The following WNT9B variants were observed in gnomAD, a reference collection of about 807,000 sequenced individuals.
The protein encoded by WNT9B is protein Wnt-9b.
A neutral mutation model predicts 30.2 loss-of-function variants in WNT9B; 12 were observed. The ratio of observed to expected loss-of-function variants is 0.40; its 90% CI spans 0.26 to 0.64. WNT9B has a LOEUF of 0.64. Ranked by LOEUF, WNT9B falls within the 30% of genes least tolerant of loss-of-function variation. The probability of loss-of-function intolerance (pLI) is 0.42; values close to 1 mark genes in which losing one functional copy is unlikely to be tolerated. For missense variants in WNT9B, 442 were observed against 485.2 expected (o/e 0.91, Z 0.84); for synonymous variants, 218 against 216.9 (o/e 1.01, Z -0.05).
chr17:46,857,854 G>A (rs981437931), intron 1 of WNT9B, among the ~76,000 whole-genome samples: 2 of 152,106 alleles, frequency 1.3e-5, no homozygotes, highest in African/African-American at 2.4e-5. Flanking sequence ...GTGTATATTG[G>A]TCATTTGAAT....
At position 46,877,787 on chromosome 17, in the gene WNT9B, A is replaced by G. The variant is rs1363800931; in HGVS notation, c.*1069A>G. Among the ~76,000 whole-genome samples the G allele has an allele frequency of 6.6e-6, 1 of 152,152 alleles. No individual in the cohort carries two copies. The highest frequency in any genetic ancestry group is 2.4e-5 in the African/African-American group (1 of 41,450). The stretch of plus-strand genomic sequence containing the variant: ...AGCTATGACTTGAAGTTACATTTCT[A>G]TTCTTGTGGCTGCTCATCTAGTTAA... On this transcript the variant is annotated 3_prime_UTR_variant, in exon 4 of 4. Transcript: ENST00000290015.
intron 1 of WNT9B, among the ~76,000 whole-genome samples, chr17:46,844,266 T>C (rs905480758): frequency 1.3e-5 from 2 of 151,502 alleles, no homozygotes; most frequent in Admixed American, 1.3e-4. Flanking sequence ...CTATACTTTA[T>C]ATAAAGTAGA....
Position 46,875,378 on chromosome 17 carries a change from C to T in WNT9B, c.600+12C>T. ...ACGTGGGCATCAAGGTGAGCATGTC[C>T]CTGGCTGCCCGCAGTGCCTTCCCAC... On this transcript the variant is annotated intron_variant, in intron 3 of 3. Coordinates refer to ENST00000290015, the MANE Select transcript of WNT9B (RefSeq NM_003396.3). 2 of 1,580,820 alleles carry T rather than the reference C, an allele frequency of 1.3e-6. No individual in the cohort carries two copies. The highest frequency in any genetic ancestry group is 2.3e-5 in the South Asian group (2 of 86,150).
At chr17:46,862,275 C>A (rs1021143042) in intron 1 of WNT9B, among the ~76,000 whole-genome samples, 2 of 151,490 alleles carry the variant, frequency 1.3e-5, no homozygotes, top group Non-Finnish European at 2.9e-5. Flanking sequence ...ATTAAAAGTA[C>A]AGAAAGGTAA....
At chr17:46,853,177 G>A (rs1157856267) in intron 1 of WNT9B, among the ~76,000 whole-genome samples, 1 of 151,994 alleles carries the variant, frequency 6.6e-6, no homozygotes, top group African/African-American at 2.4e-5. Flanking sequence ...CAGACTCTGG[G>A]GTCAGTCTTG....
At chr17:46,865,036 A>C (rs923947171) in intron 1 of WNT9B, among the ~76,000 whole-genome samples, 42 of 152,166 alleles carry the variant, frequency 2.8e-4, no homozygotes, top group African/African-American at 1.0e-3. Flanking sequence ...GAGGTGATGG[A>C]TCCTTCTTTG....
chr17:46,858,641 C>G (rs1314447669), intron 1 of WNT9B, among the ~76,000 whole-genome samples: 1 of 152,136 alleles, frequency 6.6e-6, no homozygotes, highest in Non-Finnish European at 1.5e-5. Flanking sequence ...CATACAGCCC[C>G]TTCTCTCACC....
chr17:46,854,754 G>A (rs1303824390), intron 1 of WNT9B, among the ~76,000 whole-genome samples: 2 of 152,118 alleles, frequency 1.3e-5, no homozygotes, highest in Non-Finnish European at 2.9e-5. Context: ...GCCACCTCCT[G>A]GGCTCAAGCA....
chr17:46,837,231 G>A (rs956034658), intron 1 of WNT9B, among the ~76,000 whole-genome samples: 4 of 152,270 alleles, frequency 2.6e-5, no homozygotes, highest in Non-Finnish European at 4.4e-5. Context: ...GTGAGCCACC[G>A]TGCCTGGCTG....
At chr17:46,840,303 G>T (rs1010669485) in intron 1 of WNT9B, among the ~76,000 whole-genome samples, 2 of 152,062 alleles carry the variant, frequency 1.3e-5, no homozygotes, top group African/African-American at 4.8e-5. Flanking sequence ...AGCCAGGATG[G>T]TCTCGATCTC....
At chr17:46,853,188 C>A (rs1358335360) in intron 1 of WNT9B, among the ~76,000 whole-genome samples, 1 of 151,998 alleles carries the variant, frequency 6.6e-6, no homozygotes, top group East Asian at 1.9e-4. Context: ...GTCAGTCTTG[C>A]CACTTGCTAG....
intron 1 of WNT9B, among the ~76,000 whole-genome samples, chr17:46,869,623 AG>A: frequency 6.6e-6 from 1 of 152,260 alleles, no homozygotes; most frequent in Non-Finnish European, 1.5e-5. Flanking sequence ...CACATGTCAG[AG>A]GTCATAATCA....
intron 1 of WNT9B, among the ~76,000 whole-genome samples, chr17:46,861,283 GT>G (rs2085033017): frequency 6.6e-6 from 1 of 152,162 alleles, no homozygotes; most frequent in Non-Finnish European, 1.5e-5. Flanking sequence ...TTCACTTGTA[GT>G]TTCCTTTAGT....
chr17:46,835,297 C>T (rs190571750), intron 1 of WNT9B, among the ~76,000 whole-genome samples: 3 of 152,222 alleles, frequency 2.0e-5, no homozygotes, highest in South Asian at 2.1e-4. Flanking sequence ...CTGCAAGCTC[C>T]GCCTCCCGGG....
downstream of WNT9B, among the ~76,000 whole-genome samples, chr17:46,881,564 A>G (rs2085423074): frequency 6.6e-6 from 1 of 152,054 alleles, no homozygotes. Context: ...TATTCTCTCT[A>G]CCATACACCA....
intron 1 of WNT9B, among the ~76,000 whole-genome samples, chr17:46,872,200 A>T (rs1423753020): frequency 6.6e-6 from 1 of 152,264 alleles, no homozygotes; most frequent in East Asian, 1.9e-4. Flanking sequence ...AGAATTGCCC[A>T]GCATGGATCC....
intron 1 of WNT9B, among the ~76,000 whole-genome samples, chr17:46,863,557 A>G (rs2085079254): frequency 6.6e-6 from 1 of 152,188 alleles, no homozygotes; most frequent in Admixed American, 6.5e-5. Flanking sequence ...TGGGGCTGGC[A>G]AGTAAGGAGG....
rs1568131327 is a variant in WNT9B at position 46,875,240 on chromosome 17, G to C, written c.474G>C (p.Gln158His). 3 of 1,614,222 alleles carry C rather than the reference G, an allele frequency of 1.9e-6. No homozygotes were observed. The highest frequency in any genetic ancestry group is 2.5e-6 in the Non-Finnish European group (3 of 1,180,034). The stretch of plus-strand genomic sequence containing the variant: ...GGCTGGAGAGCCGGCAGGCCTGGCA[G>C]TGGGGCGTGTGCGGTGACAACCTCA... ...SPGLESRQAW[Q>H]WGVCGDNLKY... The change falls in exon 3 of 4, where the codon CAG becomes CAC. Residue 158 changes from glutamine (Q) to histidine (H), a missense_variant. Gln to His is a conservative substitution (Grantham distance 24). Coordinates refer to ENST00000290015, the MANE Select transcript of WNT9B (RefSeq NM_003396.3).
chr17:46,839,975 TCTCTTC>T lies in WNT9B; in HGVS notation c.95+6536_95+6541del, dbSNP rs1228649327. On this transcript the variant is annotated intron_variant, in intron 1 of 2. Transcript: ENST00000575372. ...TTCTTTCTTTCTTTCTTTCTTTCTT[TCTCTTC>T]TTTCTTTCTTTTTTCTTTCTTCTTT... is the stretch of plus-strand genomic sequence containing the variant. 3.1e-3 allele frequency among the ~76,000 whole-genome samples: 430 copies of T among 138,560 alleles called. 1 individual carries two copies. Among genetic ancestry groups the T allele is most frequent in the Non-Finnish European group, 4.1e-3 (262 of 63,686 alleles). The allele number at this position is 138,560 out of a possible 152,430, so 90.9% of individuals were successfully genotyped here. A position where few individuals can be genotyped will look rare whatever the true frequency, so the allele number is the denominator to read the frequency against.
Sources: allele counts gnomAD v4.1 joint callset (sites outside exome capture counted in the v4.1 genomes callset), GRCh38; gene constraint gnomAD v4.1.1; transcripts MANE v1.5; gene names NCBI Gene and HGNC (gene_info 2026-07-23, HGNC 2026-07-21).